TRPM6: variants seen among roughly 807,000 people sequenced by gnomAD.
The protein encoded by TRPM6 is channel kinase 2.
A neutral mutation model predicts 247.6 loss-of-function variants in TRPM6; 111 were observed. The ratio of observed to expected loss-of-function variants is 0.45; its 90% confidence interval spans 0.38 to 0.52. The LOEUF is 0.52. TRPM6 is among the 20% of genes least tolerant of loss of function. The pLI is 0.00. For synonymous variants in TRPM6, 892 were observed against 853.8 expected (o/e 1.04, Z -0.78); for missense variants, 2,126 against 2,421.5 (o/e 0.88, Z 2.56).
At chr9:74,738,176 G>C (rs1002166997) in intron 36 of TRPM6, among the ~76,000 whole-genome samples, 1 of 152,158 alleles carries the variant, frequency 6.6e-6, no homozygotes, top group Admixed American at 6.5e-5. Flanking sequence ...AAATTTAGAT[G>C]TCTTTACATT....
At chr9:74,775,682 G>A (rs182635327) in intron 24 of TRPM6, among the ~76,000 whole-genome samples, 212 of 152,114 alleles carry the variant, frequency 1.4e-3, no homozygotes, top group African/African-American at 4.9e-3. Flanking sequence ...CTAAGTATCC[G>A]TTCATCTTGG....
At chr9:74,823,586 T>C (rs1256427943) in intron 7 of TRPM6, among the ~76,000 whole-genome samples, 7 of 152,194 alleles carry the variant, frequency 4.6e-5, no homozygotes, top group Non-Finnish European at 8.8e-5. Flanking sequence ...ATTTTCTCCA[T>C]ATCACTAAAA....
At chr9:74,734,275 T>C (rs1825621266) in intron 36 of TRPM6, among the ~76,000 whole-genome samples, 1 of 152,222 alleles carries the variant, frequency 6.6e-6, no homozygotes, top group Non-Finnish European at 1.5e-5. Context: ...TGTGGGAAGA[T>C]TATTTTAAAA....
intron 23 of TRPM6, among the ~76,000 whole-genome samples, chr9:74,777,298 G>T (rs56239720): frequency 0.087 from 13,214 of 151,908 alleles, 1,882 homozygotes; most frequent in African/African-American, 0.3. Flanking sequence ...TTGGTTGGTT[G>T]GTTTTTGTTT....
At chr9:74,883,733 G>T (rs189468173) in intron 1 of TRPM6, among the ~76,000 whole-genome samples, 1 of 152,076 alleles carries the variant, frequency 6.6e-6, no homozygotes, top group East Asian at 1.9e-4. Flanking sequence ...AGCCAGGCAC[G>T]GTGTCATGTG....
intron 8 of TRPM6, among the ~76,000 whole-genome samples, chr9:74,820,698 C>T (rs1023405861): frequency 1.1e-4 from 16 of 152,168 alleles, no homozygotes; most frequent in African/African-American, 3.6e-4. Flanking sequence ...GCCAGGAGTT[C>T]GAGGCCAGCC....
intron 5 of TRPM6, among the ~76,000 whole-genome samples, chr9:74,834,787 T>C (rs971112478): frequency 2.0e-5 from 3 of 152,160 alleles, no homozygotes; most frequent in African/African-American, 4.8e-5. Context: ...TATGGCTGCA[T>C]AGTATTCCAT....
chr9:74,858,003 C>G (rs556711479), intron 2 of TRPM6, among the ~76,000 whole-genome samples: 1 of 152,298 alleles, frequency 6.6e-6, no homozygotes, highest in East Asian at 1.9e-4. Flanking sequence ...ATCCTCCCAT[C>G]AAGAGGAACA....
chr9:74,730,320 C>T (rs1825479570), intron 37 of TRPM6, among the ~76,000 whole-genome samples: 1 of 152,140 alleles, frequency 6.6e-6, no homozygotes, highest in Non-Finnish European at 1.5e-5. Context: ...TGACCAATAA[C>T]CAAGGCAGAA....
chr9:74,843,814 C>CAA (rs542444347), intron 3 of TRPM6, among the ~76,000 whole-genome samples: 40 of 62,358 alleles, frequency 6.4e-4, no homozygotes, highest in African/African-American at 1.7e-3. Flanking sequence ...GACTCCATCT[C>CAA]AAAAAAAAAA....
chr9:74,744,923 T>A (rs1825984228), intron 31 of TRPM6, among the ~76,000 whole-genome samples: 1 of 152,180 alleles, frequency 6.6e-6, no homozygotes, highest in African/African-American at 2.4e-5. Context: ...AATCACTTCC[T>A]TTAGGGAGTG....
intron 37 of TRPM6, among the ~76,000 whole-genome samples, chr9:74,729,586 G>A (rs1006779571): frequency 6.6e-6 from 1 of 152,226 alleles, no homozygotes; most frequent in Non-Finnish European, 1.5e-5. Flanking sequence ...TACAGCTCTG[G>A]GGGTATTTAC....
At chr9:74,792,187 T>A (rs1827928065) in intron 19 of TRPM6, among the ~76,000 whole-genome samples, 1 of 152,218 alleles carries the variant, frequency 6.6e-6, no homozygotes, top group South Asian at 2.1e-4. Flanking sequence ...ACCACTTTTG[T>A]GGAATGTGCA....
At chr9:74,875,952 T>C (rs566298590) in intron 1 of TRPM6, among the ~76,000 whole-genome samples, 1 of 152,332 alleles carries the variant, frequency 6.6e-6, no homozygotes, top group South Asian at 2.1e-4. Context: ...CAAGATTCAA[T>C]TTGCAGAAAC....
chr9:74,735,623 T>TA (rs796498146), intron 36 of TRPM6, among the ~76,000 whole-genome samples: 18 of 152,232 alleles, frequency 1.2e-4, no homozygotes, highest in African/African-American at 3.1e-4. Flanking sequence ...TACAATGAGC[T>TA]AAAAAAATGC....
rs1831570958 is a variant in TRPM6, at chr9:74,887,390, C to T, written c.33+434G>A. ...CAGCGTCCGGGTCTGAGATCTGTGC[C>T]CGTGGCAGCTCAAAACGCGCCTTCT... On this transcript the variant is annotated intron_variant, in intron 1 of 38. Transcript: ENST00000360774. 2.2e-6 allele frequency: 3 copies of T among 1,390,600 alleles called. No homozygotes were observed. The South Asian group carries it at 4.6e-5, about 21-fold the overall frequency. The allele number at this position is 1,390,600 out of a possible 1,614,324, so 86.1% of individuals were successfully genotyped here. A position where few individuals can be genotyped will look rare whatever the true frequency, so the allele number is the denominator to read the frequency against.
intron 27 of TRPM6, among the ~76,000 whole-genome samples, chr9:74,759,080 A>G (rs1011542569): frequency 1.2e-4 from 19 of 152,162 alleles, no homozygotes; most frequent in African/African-American, 4.6e-4. Flanking sequence ...TCAGTAGTCT[A>G]AAAGCTATAA....
intron 23 of TRPM6, among the ~76,000 whole-genome samples, chr9:74,780,722 C>T (rs1250203808): frequency 3.9e-5 from 6 of 152,116 alleles, no homozygotes; most frequent in Non-Finnish European, 4.4e-5. Flanking sequence ...AATCAGTTAT[C>T]TATTTGAAGG....
chr9:74,808,809 A>T (rs1393513834), intron 13 of TRPM6, among the ~76,000 whole-genome samples: 1 of 152,244 alleles, frequency 6.6e-6, no homozygotes, highest in Non-Finnish European at 1.5e-5. Context: ...ACAAAGTCAA[A>T]TTCAATACCA....
Sources: allele counts gnomAD v4.1 joint callset (sites outside exome capture counted in the v4.1 genomes callset), GRCh38; gene constraint gnomAD v4.1.1; transcripts MANE v1.5; gene names NCBI Gene and HGNC (gene_info 2026-07-23, HGNC 2026-07-21).